The following CNTLN variants were observed in gnomAD, a reference collection of about 807,000 sequenced individuals.
CNTLN encodes centlein, centrosomal protein.
A neutral mutation model predicts 180.0 loss-of-function variants in CNTLN; 212 were observed. The ratio of observed to expected loss-of-function variants is 1.18; its 90% CI spans 1.05 to 1.32. The LOEUF is 1.32. CNTLN is among the 40% of genes most tolerant of loss of function. The probability of loss-of-function intolerance (pLI) is 0.00; values close to 1 mark genes in which losing one functional copy is unlikely to be tolerated. For synonymous variants in CNTLN, 722 were observed against 563.1 expected, an observed-to-expected ratio of 1.28 and a Z score of -3.99; for missense variants, 2,095 against 1,610.9, an observed-to-expected ratio of 1.30 and a Z score of -5.14.
rs555347865 is a variant in CNTLN at position 17,312,661 on chromosome 9, C to A, written c.1341+3409C>A. On this transcript the variant is annotated intron_variant, in intron 8 of 25. Coordinates refer to ENST00000380647, the MANE Select transcript of CNTLN (RefSeq NM_017738.4). ...CTCGTTATCCACCCACCTCCGCCTCCCAAAGTGCTGGGATTACAGGCGTGA... is the reference window on the plus strand; with the variant it reads ...CTCGTTATCCACCCACCTCCGCCTCACAAAGTGCTGGGATTACAGGCGTGA... Among the ~76,000 whole-genome samples, 224 of 150,830 alleles carry A rather than the reference C, an allele frequency of 1.5e-3. 1 individual carries two copies. Among genetic ancestry groups the A allele is most frequent in the African/African-American group, 5.3e-3 (216 of 41,098 alleles).
chr9:17,231,692 CTTTG>C (rs549819595), intron 3 of CNTLN, among the ~76,000 whole-genome samples: 2 of 151,926 alleles, frequency 1.3e-5, no homozygotes, highest in African/African-American at 4.8e-5. Flanking sequence ...TTAATTACTG[CTTTG>C]TTTGTTTTTT....
At chr9:17,220,644 G>T (rs569556526) in intron 2 of CNTLN, among the ~76,000 whole-genome samples, 65 of 152,098 alleles carry the variant, frequency 4.3e-4, no homozygotes, top group Non-Finnish European at 5.9e-4. Context: ...GCAGCCATGG[G>T]TTCTCATCAT....
chr9:17,191,413 G>A (rs1821780197), intron 2 of CNTLN, among the ~76,000 whole-genome samples: 1 of 152,182 alleles, frequency 6.6e-6, no homozygotes, highest in Non-Finnish European at 1.5e-5. Flanking sequence ...CAAACCCTTA[G>A]AATATTTCAC....
chr9:17,282,765 T>A (rs1269768056), intron 6 of CNTLN, among the ~76,000 whole-genome samples: 1 of 152,216 alleles, frequency 6.6e-6, no homozygotes. Context: ...GATTTTTGTA[T>A]AAGGCATAAG....
intron 5 of CNTLN, among the ~76,000 whole-genome samples, chr9:17,269,378 A>T (rs1490780619): frequency 2.6e-5 from 4 of 151,976 alleles, no homozygotes; most frequent in African/African-American, 9.7e-5. Flanking sequence ...CTTCCTTTTT[A>T]ATGTACTACA....
At chr9:17,242,386 T>G (rs984092984) in intron 5 of CNTLN, among the ~76,000 whole-genome samples, 1 of 151,354 alleles carries the variant, frequency 6.6e-6, no homozygotes, top group Non-Finnish European at 1.5e-5. Flanking sequence ...CTTGGCTCAC[T>G]GCAACCTCCA....
At chr9:17,444,366 T>A (rs893432777) in intron 18 of CNTLN, 19 of 152,212 alleles carry the variant, frequency 1.2e-4, no homozygotes, top group African/African-American at 4.6e-4. Flanking sequence ...GGATTTAGGT[T>A]ATTTCATTAT....
chr9:17,341,030 T>G, intron 11 of CNTLN, 82 bp downstream of exon 11: 1 of 1,277,044 alleles, frequency 7.8e-7, no homozygotes, highest in South Asian at 2.3e-5. Context: ...TAATGGCTTT[T>G]GTTTGGTTTT....
intron 1 of CNTLN, among the ~76,000 whole-genome samples, chr9:17,140,680 G>A (rs1410877503): frequency 1.3e-5 from 2 of 152,144 alleles, no homozygotes; most frequent in Non-Finnish European, 2.9e-5. Flanking sequence ...GGGCTCAGAT[G>A]ATCCCCTCCC....
chr9:17,437,506 G>A (rs143797105), intron 18 of CNTLN, among the ~76,000 whole-genome samples: 84 of 152,164 alleles, frequency 5.5e-4, no homozygotes, highest in African/African-American at 1.9e-3. Flanking sequence ...TTTCAGATAG[G>A]TGTGTCTCAT....
At chr9:17,354,981 T>A (rs1156781969) in intron 12 of CNTLN, among the ~76,000 whole-genome samples, 1 of 150,278 alleles carries the variant, frequency 6.7e-6, no homozygotes, top group Non-Finnish European at 1.5e-5. Context: ...GCTGTAACAC[T>A]CACCGCGAAG....
At chr9:17,140,443 GT>G (rs1024881514) in intron 1 of CNTLN, among the ~76,000 whole-genome samples, 1 of 149,578 alleles carries the variant, frequency 6.7e-6, no homozygotes, top group African/African-American at 2.4e-5. Flanking sequence ...TAATGGTTAT[GT>G]TTTTTTCTTT....
At chr9:17,429,426 T>C (rs1330816819) in intron 18 of CNTLN, among the ~76,000 whole-genome samples, 1 of 152,038 alleles carries the variant, frequency 6.6e-6, no homozygotes, top group African/African-American at 2.4e-5. Flanking sequence ...CATTCTTCAA[T>C]TAATCATCTT....
chr9:17,145,469 TC>T (rs2131458595), intron 2 of CNTLN, among the ~76,000 whole-genome samples: 1 of 152,314 alleles, frequency 6.6e-6, no homozygotes, highest in South Asian at 2.1e-4. Flanking sequence ...AAATAGATGA[TC>T]TTTCTGTATA....
At chr9:17,290,318 C>T (rs560673853) in intron 6 of CNTLN, among the ~76,000 whole-genome samples, 2,067 of 151,610 alleles carry the variant, frequency 0.014, 48 homozygotes, top group African/African-American at 0.048. Context: ...AGTTAGGCTG[C>T]TCGGGGGTCA....
At chr9:17,465,312 T>A (rs1183878181) in intron 21 of CNTLN, among the ~76,000 whole-genome samples, 1 of 150,674 alleles carries the variant, frequency 6.6e-6, no homozygotes, top group Non-Finnish European at 1.5e-5. Flanking sequence ...CAAATCCATA[T>A]GGATTTTCTT....
At chr9:17,280,034 G>A (rs1828570052) in intron 6 of CNTLN, among the ~76,000 whole-genome samples, 1 of 152,138 alleles carries the variant, frequency 6.6e-6, no homozygotes, top group South Asian at 2.1e-4. Context: ...AAGGTCCTCA[G>A]CAGATGGAAC....
intron 5 of CNTLN, among the ~76,000 whole-genome samples, chr9:17,267,459 G>T (rs1393527438): frequency 6.6e-6 from 1 of 152,004 alleles, no homozygotes; most frequent in Non-Finnish European, 1.5e-5. Flanking sequence ...TTTCTCTCTG[G>T]CTGCCCTTAA....
chr9:17,220,767 G>A (rs1457433150), intron 2 of CNTLN, among the ~76,000 whole-genome samples: 1 of 152,116 alleles, frequency 6.6e-6, no homozygotes, highest in Admixed American at 6.6e-5. Context: ...CCCTGCAAAG[G>A]ACATGATCTT....
Sources: allele counts gnomAD v4.1 joint callset (sites outside exome capture counted in the v4.1 genomes callset), GRCh38; gene constraint gnomAD v4.1.1; transcripts MANE v1.5; gene names NCBI Gene and HGNC (gene_info 2026-07-23, HGNC 2026-07-21).